SLF2: variants seen among roughly 807,000 people sequenced by gnomAD.
SLF2 encodes the protein SMC5/6 complex localization factor 2, also known as SMC5-SMC6 complex localization factor protein 2.
In SLF2, 68 loss-of-function variants were observed where a neutral mutation model predicts 124.3. The ratio of observed to expected loss-of-function variants is 0.55; its 90% CI spans 0.45 to 0.67. The LOEUF (loss-of-function observed/expected upper bound fraction) is 0.67. Ranked by LOEUF, SLF2 falls within the 30% of genes least tolerant of loss-of-function variation. The pLI is 0.00. For synonymous variants in SLF2, 480 were observed against 478.8 expected, an observed-to-expected ratio of 1.00 and a Z score of -0.03; for missense variants, 1,246 against 1,373.7, an observed-to-expected ratio of 0.91 and a Z score of 1.47.
intron 6 of SLF2, among the ~76,000 whole-genome samples, chr10:100,928,210 C>G (rs1849657008): frequency 6.6e-6 from 1 of 151,990 alleles, no homozygotes; most frequent in Admixed American, 6.6e-5. Context: ...CAAGGAGTGT[C>G]CTTGAACCTA....
Position 100,957,517 on chromosome 10 carries a change from A to ATT in SLF2, c.3417+994_3417+995dup, listed in dbSNP as rs753366819. Among the ~76,000 whole-genome samples, 4 of 140,634 alleles carry ATT rather than the reference A, an allele frequency of 2.8e-5. No individual in the cohort carries two copies. In the East Asian group the frequency reaches 8.2e-4, roughly 29 times the overall value. 92.3% of individuals were successfully genotyped at this position (140,634 alleles called of 152,430 possible). On this transcript the variant is annotated intron_variant, in intron 18 of 19. Coordinates refer to ENST00000238961, the MANE Select transcript of SLF2 (RefSeq NM_018121.4). The stretch of plus-strand genomic sequence containing the variant: ...AGGCGCCCGCTACCATGCCCGGCAA[A>ATT]TTTTTTTTTTTTTTTGTATTTTTAG...
chr10:100,954,266 A>G (rs1020449393), intron 17 of SLF2, among the ~76,000 whole-genome samples: 2 of 152,138 alleles, frequency 1.3e-5, no homozygotes, highest in Admixed American at 6.5e-5. Context: ...TCAAAAAAAT[A>G]TATAAAAAAT....
At position 100,925,952 on chromosome 10, in the gene SLF2, C is replaced by A; in HGVS notation, c.1975C>A (p.His659Asn). The change falls in exon 6 of 20, where the codon CAT (histidine) becomes AAT (asparagine). Residue 659 changes from histidine to asparagine, a missense_variant. Around this residue, in one of 3 missense-constraint regions of SLF2, gnomAD observed 535 missense variants for 632.8 expected, o/e 0.85. Coordinates refer to ENST00000238961, the MANE Select transcript of SLF2 (RefSeq NM_018121.4). ...TTTCTAAATGTTCTTGTTTTAGGGA[C>A]ATGTTCATCCTGGAACTTACACAAA... ...LRSQSSDYTG[H>N]VHPGTYTNTL... 6.3e-7 allele frequency: 1 copy of A among 1,587,510 alleles called. No individual in the cohort carries two copies. The highest frequency in any genetic ancestry group is 1.8e-5 in the Admixed American group (1 of 56,502).
rs1402221059 is a variant in SLF2, at chr10:100,938,610, C to T, written c.2528C>T (p.Ser843Leu). ...ITIRNDTFSD[S>L]PVWPWIPSLS... The stretch of plus-strand genomic sequence containing the variant: ...TGTTAATTAGATACCTTCAGTGACT[C>T]ACCAGTTTGGCCATGGATCCCATCA... The change falls in exon 11 of 20, where the codon TCA becomes TTA. Residue 843 changes from serine (S) to leucine (L), a missense_variant. This residue lies in a region of SLF2 where 535 missense variants were observed against 632.8 expected (regional missense o/e 0.85). Coordinates refer to ENST00000238961, the MANE Select transcript of SLF2 (RefSeq NM_018121.4). 1.2e-6 allele frequency: 2 copies of T among 1,610,438 alleles called. No individual in the cohort carries two copies. The highest frequency in any genetic ancestry group is 3.4e-5 in the Admixed American group (2 of 59,112).
chr10:100,940,666 C>T (rs1247464757), intron 11 of SLF2, among the ~76,000 whole-genome samples: 3 of 151,874 alleles, frequency 2.0e-5, no homozygotes, highest in East Asian at 3.9e-4. Flanking sequence ...CTGGCTTGAA[C>T]TTGTTAAGAT....
chr10:100,926,245 G>T (rs1564773229), intron 6 of SLF2: 1 of 1,527,992 alleles, frequency 6.5e-7, no homozygotes, highest in Non-Finnish European at 8.8e-7. Context: ...GGAGTTCAAG[G>T]CTGCGGTGAG....
At position 100,947,129 on chromosome 10, in the gene SLF2, C is replaced by A; in HGVS notation, c.3025C>A (p.Arg1009Ser). 1 of 1,546,960 alleles carries A rather than the reference C, an allele frequency of 6.5e-7. No individual in the cohort carries two copies. Among genetic ancestry groups the A allele is most frequent in the Non-Finnish European group, 8.7e-7 (1 of 1,149,690 alleles). ...ACAGCTGGTCCCTAATTGGACATCA[C>A]GTGGAAGGTATTAAAAAGTGAAAAT... The part of the protein sequence containing the change: ...LVQLVPNWTS[R>S]GRQLRQCLSL... The change falls in exon 14 of 20, where the codon CGT (arginine) becomes AGT (serine). Residue 1009 changes from arginine (R) to serine (S), a missense_variant. Transcript: ENST00000238961.
At chr10:100,930,926 T>C in intron 8 of SLF2, 50 bp from the exon 9 acceptor site, 1 of 1,357,290 alleles carries the variant, frequency 7.4e-7, no homozygotes, top group Non-Finnish European at 1.1e-6. Context: ...ATAGTAGAAG[T>C]ATTTTGCCAT....
At chr10:100,916,072 G>A in intron 2 of SLF2, 30 bp downstream of exon 2, 1 of 1,584,184 alleles carries the variant, frequency 6.3e-7, no homozygotes, top group East Asian at 2.2e-5. Context: ...ATTTTTTGTG[G>A]GCTATTTTGG....
chr10:100,924,773 G>A lies in SLF2; in HGVS notation c.1772G>A (p.Ser591Asn), dbSNP rs753370926. ...ESSGNSNAGSSALKRKLRGDF... is the reference protein window; with the variant it reads ...ESSGNSNAGSNALKRKLRGDF... ...TCAGGAAATTCCAATGCAGGTAGCA[G>A]TGCACTGAAAAGAAAACTAAGGGGT... Residue 591 changes from serine (S) to asparagine (N), a missense_variant, in exon 5 of 20, where the codon AGT (serine) becomes AAT (asparagine). Transcript: ENST00000238961. The A allele has an allele frequency of 1.2e-6, 2 of 1,614,184 alleles. No individual in the cohort carries two copies. Among genetic ancestry groups the A allele is most frequent in the South Asian group, 2.2e-5 (2 of 91,088 alleles).
At chr10:100,940,023 A>T (rs1285519119) in intron 11 of SLF2, among the ~76,000 whole-genome samples, 1 of 152,188 alleles carries the variant, frequency 6.6e-6, no homozygotes, top group Non-Finnish European at 1.5e-5. Context: ...TATTTCCCCT[A>T]AATATTACAA....
intron 1 of SLF2, 32 bp from the exon 2 acceptor site, chr10:100,915,967 T>C: frequency 1.3e-6 from 2 of 1,532,838 alleles, no homozygotes; most frequent in Non-Finnish European, 1.8e-6. Context: ...AATATTTGCT[T>C]ATATGATGCC....
rs1849435384 is a variant in SLF2, at chr10:100,917,278, G to T, written c.893G>T (p.Gly298Val). The change falls in exon 3 of 20, where the codon GGA (glycine) becomes GTA (valine). Residue 298 changes from glycine to valine, a missense_variant. Around this residue, in one of 3 missense-constraint regions of SLF2, gnomAD observed 698 missense variants for 708.9 expected, o/e 0.98. Coordinates refer to ENST00000238961, the MANE Select transcript of SLF2 (RefSeq NM_018121.4). ...AGGAAACAGAATGACATCATACCTG[G>T]AAAAAATAATCTGTCAAATGTGGTA... ...EQRKQNDIIP[G>V]KNNLSNVENG... 6.2e-7 allele frequency: 1 copy of T among 1,608,790 alleles called. No individual in the cohort carries two copies. Among genetic ancestry groups the T allele is most frequent in the Non-Finnish European group, 8.5e-7 (1 of 1,178,396 alleles).
At chr10:100,960,364 A>G (rs1589971397) in intron 19 of SLF2, among the ~76,000 whole-genome samples, 1 of 152,214 alleles carries the variant, frequency 6.6e-6, no homozygotes, top group African/African-American at 2.4e-5. Context: ...TTCCAAAGTG[A>G]CTGCATCATT....
intron 5 of SLF2, 114 bp from the exon 6 acceptor site, chr10:100,925,835 C>T (rs1316983819): frequency 7.8e-6 from 8 of 1,024,100 alleles, no homozygotes; most frequent in South Asian, 3.4e-5. Context: ...AAGGTGTTAT[C>T]CTGGCCCAGA....
chr10:100,961,605 G>T (rs568534584), intron 19 of SLF2, among the ~76,000 whole-genome samples: 1 of 152,194 alleles, frequency 6.6e-6, no homozygotes, highest in South Asian at 2.1e-4. Flanking sequence ...ATACTAATCA[G>T]CTTAACATTA....
chr10:100,919,442 A>G (rs1849485501), intron 4 of SLF2, among the ~76,000 whole-genome samples: 1 of 152,202 alleles, frequency 6.6e-6, no homozygotes, highest in African/African-American at 2.4e-5. Context: ...AAATCCAAGG[A>G]TCCCTTTTTA....
chr10:100,916,344 G>A (rs183557546), intron 2 of SLF2, among the ~76,000 whole-genome samples: 74 of 152,176 alleles, frequency 4.9e-4, no homozygotes, highest in African/African-American at 1.7e-3. Context: ...GTTATATGAT[G>A]TACCAAAAGA....
chr10:100,938,244 T>C (rs1849903318), intron 10 of SLF2, among the ~76,000 whole-genome samples: 1 of 152,210 alleles, frequency 6.6e-6, no homozygotes, highest in South Asian at 2.1e-4. Flanking sequence ...TCATCTGTCC[T>C]GGGGATTGGG....
Sources: gnomAD v4.1 joint callset for allele counts (sites outside exome capture counted in the v4.1 genomes callset) on GRCh38, gnomAD v4.1.1 for gene constraint, gnomAD v4.1.1 regional missense constraint, MANE v1.5 for transcripts, NCBI Gene and HGNC (gene_info 2026-07-23, HGNC 2026-07-21) for gene names.